The following ANGEL1 variants were observed in gnomAD, a reference collection of about 807,000 sequenced individuals.
The protein encoded by ANGEL1 is RNA 2',3'-cyclic phosphatase ANGEL1.
In ANGEL1, 62 loss-of-function variants were observed where a neutral mutation model predicts 76.4. The ratio of observed to expected loss-of-function variants is 0.81; its 90% CI spans 0.66 to 1.00. The LOEUF (loss-of-function observed/expected upper bound fraction) is 1.00, where lower values mean the gene tolerates loss of function less well. Ranked by LOEUF, ANGEL1 falls within the 50% of genes least tolerant of loss-of-function variation. The pLI is 0.00. For synonymous variants in ANGEL1, 340 were observed against 331.7 expected, an observed-to-expected ratio of 1.03 and a Z score of -0.27; for missense variants, 737 against 836.7, an observed-to-expected ratio of 0.88 and a Z score of 1.47.
rs779693933 is a variant in ANGEL1, at chr14:76,789,195, T to C, written c.*33A>G. ...CAGTCTCTGATCCAGTGAGCTCTTCTGGAAGAGAAGCTCTCTTCCCCTGGG... is the reference window on the plus strand; with the variant it reads ...CAGTCTCTGATCCAGTGAGCTCTTCCGGAAGAGAAGCTCTCTTCCCCTGGG... On this transcript the variant is annotated 3_prime_UTR_variant, in exon 10 of 10. Transcript: ENST00000251089. 6.2e-7 allele frequency: 1 copy of C among 1,611,988 alleles called. No individual in the cohort carries two copies. The highest frequency in any genetic ancestry group is 8.5e-7 in the Non-Finnish European group (1 of 1,178,912).
chr14:76,798,171 C>T (rs572633822), intron 7 of ANGEL1, among the ~76,000 whole-genome samples: 3 of 150,230 alleles, frequency 2.0e-5, no homozygotes, highest in South Asian at 2.1e-4. Context: ...GTTGCCCAGG[C>T]GGGAGTGCAG....
intron 1 of ANGEL1, among the ~76,000 whole-genome samples, chr14:76,811,879 A>G (rs1895097676): frequency 6.6e-6 from 1 of 152,172 alleles, no homozygotes; most frequent in Non-Finnish European, 1.5e-5. Context: ...ATATATTATC[A>G]ATGACACACA....
At chr14:76,810,497 G>A (rs1895052943) in intron 1 of ANGEL1, among the ~76,000 whole-genome samples, 1 of 151,880 alleles carries the variant, frequency 6.6e-6, no homozygotes, top group Non-Finnish European at 1.5e-5. Context: ...GATAATCTCT[G>A]AGCTTTTCTA....
chr14:76,812,704 G>A (rs1895125559), intron 1 of ANGEL1, 60 bp downstream of exon 1: 1 of 1,452,746 alleles, frequency 6.9e-7, no homozygotes, highest in Non-Finnish European at 9.1e-7. Flanking sequence ...CCAGGCCCGC[G>A]GAGCCCCGCA....
Position 76,806,685 on chromosome 14 carries a change from G to C in ANGEL1, c.1111C>G (p.Gln371Glu). The C allele has an allele frequency of 6.2e-7, 1 of 1,614,060 alleles. No individual in the cohort carries two copies. Among genetic ancestry groups the C allele is most frequent in the South Asian group, 1.1e-5 (1 of 91,076 alleles). The change falls in exon 5 of 10, where the codon CAA (glutamine) becomes GAA (glutamate). Residue 371 changes from glutamine (Q) to glutamate (E), a missense_variant. This residue lies in a region of ANGEL1 where 296 missense variants were observed against 387.2 expected (regional missense o/e 0.76). Transcript: ENST00000251089. ...CCCAGGCCTTCTGGGACGAGTGGTT[G>C]CAGTAGCAACACTAAGCCCACATTA... ...RDNVGLVLLL[Q>E]PLVPEGLGQV...
chr14:76,809,117 G>A lies in ANGEL1; in HGVS notation c.591C>T (p.Ile197=), dbSNP rs375186731. 1.9e-6 allele frequency: 3 copies of A among 1,614,086 alleles called. No homozygotes were observed. Among genetic ancestry groups the A allele is most frequent in the South Asian group, 2.2e-5 (2 of 91,096 alleles). ...PEPVPQEEAS[I]WPFEGLGQLQ... ...ACTGCCCCAGGCCCTCAAAGGGCCA[G>A]ATGGAAGCCTCTTCCTGGGGCACAG... is the stretch of plus-strand genomic sequence containing the variant. Residue 197 remains isoleucine (I), a synonymous_variant, in exon 2 of 10, where the codon ATC becomes ATT. Coordinates refer to ENST00000251089, the MANE Select transcript of ANGEL1 (RefSeq NM_015305.4).
chr14:76,790,570 G>A, intron 9 of ANGEL1, 41 bp downstream of exon 9: 1 of 1,571,602 alleles, frequency 6.4e-7, no homozygotes, highest in African/African-American at 1.4e-5. Context: ...GCTGTTCCCA[G>A]GGACCTGGGG....
At position 76,808,461 on chromosome 14, in the gene ANGEL1, A is replaced by G. The variant is rs572565453; in HGVS notation, c.650-313T>C. ...CATGAATCTCCGGAGAATCACTCAG[A>G]TGAGTGTGCTTAACAGTCACCTGAG... On this transcript the variant is annotated intron_variant, in intron 2 of 9. Coordinates refer to ENST00000251089, the MANE Select transcript of ANGEL1 (RefSeq NM_015305.4). Among the ~76,000 whole-genome samples the G allele has an allele frequency of 2.1e-4, 31 of 148,018 alleles. No homozygotes were observed. In the South Asian group the frequency reaches 3.4e-3, roughly 16 times the overall value.
At chr14:76,792,785 T>G (rs972526623) in intron 7 of ANGEL1, among the ~76,000 whole-genome samples, 1 of 152,160 alleles carries the variant, frequency 6.6e-6, no homozygotes, top group African/African-American at 2.4e-5. Context: ...ACAGCTAATA[T>G]CATACTTAAT....
chr14:76,812,751 G>A lies in ANGEL1; in HGVS notation c.64+13C>T, dbSNP rs1219049061. On this transcript the variant is annotated intron_variant, in intron 1 of 9. Transcript: ENST00000251089. The stretch of plus-strand genomic sequence containing the variant: ...TGGCCGGGCTCCTGTCTGTCGGTAC[G>A]CCTGGCCGGTACCTGAGAGGGCGCG... 2 of 1,514,164 alleles carry A rather than the reference G, an allele frequency of 1.3e-6. No individual in the cohort carries two copies. The highest frequency in any genetic ancestry group is 8.8e-7 in the Non-Finnish European group (1 of 1,136,006). 93.8% of individuals were successfully genotyped at this position (1,514,164 alleles called of 1,614,324 possible).
chr14:76,799,412 G>A (rs1173924363), intron 7 of ANGEL1, among the ~76,000 whole-genome samples: 1 of 145,026 alleles, frequency 6.9e-6, no homozygotes, highest in Non-Finnish European at 1.5e-5. Flanking sequence ...TCCTGCCTCA[G>A]CCTCCCGAGT....
chr14:76,808,599 G>C (rs1161434638), intron 2 of ANGEL1, among the ~76,000 whole-genome samples: 1 of 152,118 alleles, frequency 6.6e-6, no homozygotes, highest in African/African-American at 2.4e-5. Flanking sequence ...TATGGCATGT[G>C]GCAGCATAGT....
intron 3 of ANGEL1, 29 bp from the exon 4 acceptor site, chr14:76,807,531 T>G (rs1321595473): frequency 1.2e-6 from 2 of 1,609,532 alleles, no homozygotes; most frequent in South Asian, 1.1e-5. Context: ...ACCCAATCAC[T>G]CCAGAGTGCT....
At chr14:76,805,057 T>C (rs1894877921) in intron 5 of ANGEL1, among the ~76,000 whole-genome samples, 1 of 146,476 alleles carries the variant, frequency 6.8e-6, no homozygotes, top group Non-Finnish European at 1.5e-5. Flanking sequence ...ATAAATAAAA[T>C]GGGATAATAA....
chr14:76,812,672 GC>G (rs1895124240), intron 1 of ANGEL1, 91 bp downstream of exon 1: 4 of 1,399,994 alleles, frequency 2.9e-6, no homozygotes, highest in Non-Finnish European at 3.7e-6. Flanking sequence ...TAGTCGTGAG[GC>G]CCGGCCAACC....
In ANGEL1 at chr14:76,804,545, A is replaced by G. The variant is rs1003096321; in HGVS notation, c.1381-633T>C. On this transcript the variant is annotated intron_variant, in intron 5 of 9. Transcript: ENST00000251089. Reference sequence around the variant, plus strand: ...AAATATTTGAAAGCCAAAAGACACTAGCTAGGTGCTGGGGATAGAGCAGCA... The same window carrying G: ...AAATATTTGAAAGCCAAAAGACACTGGCTAGGTGCTGGGGATAGAGCAGCA... 5.5e-6 allele frequency: 4 copies of G among 723,062 alleles called. No homozygotes were observed. In the African/African-American group the frequency reaches 7.7e-5, roughly 14 times the overall value. 44.8% of individuals were successfully genotyped at this position (723,062 alleles called of 1,614,324 possible).
chr14:76,807,579 G>A, intron 3 of ANGEL1, 77 bp from the exon 4 acceptor site: 1 of 1,456,392 alleles, frequency 6.9e-7, no homozygotes. Flanking sequence ...AGGTCCTGAG[G>A]CCAGGTGGGA....
intron 4 of ANGEL1, 72 bp from the exon 5 acceptor site, chr14:76,806,921 C>G: frequency 6.7e-7 from 1 of 1,494,416 alleles, no homozygotes; most frequent in Non-Finnish European, 9.1e-7. Flanking sequence ...CCAGCACCAG[C>G]AGTCCCAGTG....
At chr14:76,802,085 T>C (rs1007951845) in intron 7 of ANGEL1, among the ~76,000 whole-genome samples, 1 of 152,030 alleles carries the variant, frequency 6.6e-6, no homozygotes, top group Non-Finnish European at 1.5e-5. Flanking sequence ...GGCAAGAGAA[T>C]TGCTTGAACC....
Sources: gnomAD v4.1 joint callset for allele counts (sites outside exome capture counted in the v4.1 genomes callset) on GRCh38, gnomAD v4.1.1 for gene constraint, gnomAD v4.1.1 regional missense constraint, MANE v1.5 for transcripts, NCBI Gene and HGNC (gene_info 2026-07-23, HGNC 2026-07-21) for gene names.